Variants in PIBF1 observed in about 807,000 individuals in gnomAD.
The protein encoded by PIBF1 is progesterone immunomodulatory binding factor 1.
PIBF1 carries 90 observed loss-of-function variants against 112.5 expected under a neutral mutation model. The ratio of observed to expected loss-of-function variants is 0.80; its 90% confidence interval spans 0.67 to 0.95. The LOEUF (loss-of-function observed/expected upper bound fraction) is 0.95. PIBF1 is among the 40% of genes least tolerant of loss of function. PIBF1 has a pLI of 0.00. For missense variants in PIBF1, 915 were observed against 852.3 expected (o/e 1.07, Z -0.92); for synonymous variants, 301 against 288.6 (o/e 1.04, Z -0.44).
intron 10 of PIBF1, among the ~76,000 whole-genome samples, chr13:72,858,076 G>C (rs969696409): frequency 6.7e-6 from 1 of 149,678 alleles, no homozygotes; most frequent in Non-Finnish European, 1.5e-5. Context: ...ATGTGAGATG[G>C]AGTCTCACTC....
chr13:72,990,952 T>C (rs1443662523), intron 16 of PIBF1, among the ~76,000 whole-genome samples: 3 of 152,214 alleles, frequency 2.0e-5, no homozygotes, highest in Non-Finnish European at 4.4e-5. Context: ...TGCACAGAGT[T>C]ATATGACTTA....
intron 10 of PIBF1, among the ~76,000 whole-genome samples, chr13:72,875,361 A>G (rs1438500891): frequency 6.6e-6 from 1 of 152,196 alleles, no homozygotes; most frequent in Non-Finnish European, 1.5e-5. Context: ...TCTGCTATAA[A>G]CATCCTTGTG....
intron 2 of PIBF1, among the ~76,000 whole-genome samples, chr13:72,784,962 T>A (rs752675998): frequency 9.9e-5 from 15 of 152,036 alleles, no homozygotes; most frequent in Non-Finnish European, 2.1e-4. Flanking sequence ...AACCTCCACC[T>A]CTTGGGTTCA....
At chr13:72,960,481 C>T (rs1190316708) in intron 14 of PIBF1, among the ~76,000 whole-genome samples, 1 of 152,186 alleles carries the variant, frequency 6.6e-6, no homozygotes, top group Non-Finnish European at 1.5e-5. Flanking sequence ...ATAATTGAGA[C>T]TGCTGCTGTA....
chr13:73,010,378 G>A (rs986874731), intron 17 of PIBF1, among the ~76,000 whole-genome samples: 8 of 151,832 alleles, frequency 5.3e-5, no homozygotes, highest in African/African-American at 1.5e-4. Context: ...CGAGGCAGGC[G>A]AATCACCTGA....
intron 2 of PIBF1, among the ~76,000 whole-genome samples, chr13:72,791,765 T>A (rs550159761): frequency 6.6e-6 from 1 of 152,074 alleles, no homozygotes; most frequent in Admixed American, 6.5e-5. Flanking sequence ...CCTGAGTAGC[T>A]GTGACTACAG....
chr13:72,871,548 C>T (rs1390419467), intron 10 of PIBF1, among the ~76,000 whole-genome samples: 1 of 152,180 alleles, frequency 6.6e-6, no homozygotes, highest in Non-Finnish European at 1.5e-5. Context: ...TTGTGATCCA[C>T]CTGCCTCGGC....
intron 5 of PIBF1, among the ~76,000 whole-genome samples, chr13:72,820,216 CAG>C (rs1436364643): frequency 2.0e-5 from 3 of 152,234 alleles, no homozygotes; most frequent in Admixed American, 6.5e-5. Flanking sequence ...CTAACGTGCA[CAG>C]AGTCTTACTG....
intron 11 of PIBF1, among the ~76,000 whole-genome samples, chr13:72,908,322 G>A (rs145890578): frequency 6.4e-3 from 976 of 151,684 alleles, no homozygotes; most frequent in Non-Finnish European, 0.011. Context: ...ATAAGGATAA[G>A]GTACTTCATA....
intron 16 of PIBF1, among the ~76,000 whole-genome samples, chr13:72,996,971 C>T (rs1448347941): frequency 6.6e-6 from 1 of 152,150 alleles, no homozygotes; most frequent in Non-Finnish European, 1.5e-5. Flanking sequence ...TCAGAAACTG[C>T]TAATATTTTT....
In PIBF1 at chr13:72,833,435, A is replaced by T. The variant is rs571678376; in HGVS notation, c.1098-1808A>T. 1.3e-3 allele frequency among the ~76,000 whole-genome samples: 205 copies of T among 152,076 alleles called. 1 individual carries two copies. Among genetic ancestry groups the T allele is most frequent in the Non-Finnish European group, 2.3e-3 (154 of 67,982 alleles). On this transcript the variant is annotated intron_variant, in intron 8 of 17. Transcript: ENST00000326291. ...CTACCTTTGGTCTTTGATGTTGGTGACCTTCAGATGGGGTCTTTGAGTGGA... is the reference window on the plus strand; with the variant it reads ...CTACCTTTGGTCTTTGATGTTGGTGTCCTTCAGATGGGGTCTTTGAGTGGA...
intron 8 of PIBF1, among the ~76,000 whole-genome samples, chr13:72,829,963 G>A (rs1272496562): frequency 6.6e-6 from 1 of 152,086 alleles, no homozygotes; most frequent in Non-Finnish European, 1.5e-5. Context: ...TTTGAGCAGT[G>A]GTTTGTAGTT....
intron 14 of PIBF1, among the ~76,000 whole-genome samples, chr13:72,949,300 C>CTTTTTTTTTTTTTTTTTTTATTTTT (rs2042233191): frequency 1.8e-5 from 1 of 54,954 alleles, no homozygotes; most frequent in Non-Finnish European, 3.2e-5. Context: ...AAATAGCTGT[C>CTTTTTTTTTTTTTTTTTTTATTTTT]TTTTTTTTTT....
intron 10 of PIBF1, among the ~76,000 whole-genome samples, chr13:72,874,901 C>A (rs1255117791): frequency 6.6e-6 from 1 of 151,718 alleles, no homozygotes; most frequent in Non-Finnish European, 1.5e-5. Flanking sequence ...ACATTTGTTA[C>A]AATTGATGAA....
chr13:72,852,975 A>G (rs553516640), intron 9 of PIBF1, among the ~76,000 whole-genome samples: 1 of 152,260 alleles, frequency 6.6e-6, no homozygotes, highest in South Asian at 2.1e-4. Context: ...GTTATAACAT[A>G]AAGGGCTTTG....
rs886538587 is a variant in PIBF1 at position 72,973,302 on chromosome 13, G to A, written c.1965-289G>A. The stretch of plus-strand genomic sequence containing the variant: ...CATCTCTTTAAAAAAAAGAGAAAGA[G>A]AAAGAAAAGAGGAGAGGGAAGAAAG... On this transcript the variant is annotated intron_variant, in intron 15 of 17. Transcript: ENST00000326291. 1.2e-4 allele frequency among the ~76,000 whole-genome samples: 17 copies of A among 143,826 alleles called. 1 individual carries two copies. Among genetic ancestry groups the A allele is most frequent in the African/African-American group, 4.2e-4 (16 of 38,534 alleles). 94.4% of individuals were successfully genotyped at this position (143,826 alleles called of 152,430 possible). A position where few individuals can be genotyped will look rare whatever the true frequency, so the allele number is the denominator to read the frequency against.
Position 72,939,693 on chromosome 13 carries a change from G to A in PIBF1, c.1833+8426G>A, listed in dbSNP as rs574050724. On this transcript the variant is annotated intron_variant, in intron 14 of 17. Coordinates refer to ENST00000326291, the MANE Select transcript of PIBF1 (RefSeq NM_006346.4). The stretch of plus-strand genomic sequence containing the variant: ...TTGTAAAAAGCGCTGCTATGAACAC[G>A]CAAATACAAGCAAATGTATGAGTAC... 2.0e-5 allele frequency among the ~76,000 whole-genome samples: 3 copies of A among 152,122 alleles called. No homozygotes were observed. The South Asian group carries it at 6.2e-4, about 32-fold the overall frequency.
intron 9 of PIBF1, among the ~76,000 whole-genome samples, chr13:72,850,544 T>C (rs555759395): frequency 2.2e-4 from 33 of 152,324 alleles, no homozygotes; most frequent in African/African-American, 7.7e-4. Context: ...AGAAAGGAAA[T>C]GTTATTAGGG....
At chr13:72,924,953 C>T (rs148179967) in intron 13 of PIBF1, among the ~76,000 whole-genome samples, 10 of 152,180 alleles carry the variant, frequency 6.6e-5, no homozygotes, top group South Asian at 6.2e-4. Flanking sequence ...AAGTGGAACT[C>T]GACGGGAGCC....
Sources: gnomAD v4.1 joint callset for allele counts (sites outside exome capture counted in the v4.1 genomes callset) on GRCh38, gnomAD v4.1.1 for gene constraint, MANE v1.5 for transcripts, NCBI Gene and HGNC (gene_info 2026-07-23, HGNC 2026-07-21) for gene names.